Variants in DTNA observed in about 807,000 individuals in gnomAD.
DTNA encodes dystrobrevin alpha, also known as dystrophin-related protein 3.
In DTNA, 43 loss-of-function variants were observed where a neutral mutation model predicts 100.7. That is an observed-to-expected ratio of 0.43 (90% confidence interval 0.33 to 0.55). DTNA has a LOEUF of 0.55. DTNA is among the 20% of genes least tolerant of loss of function. The probability of loss-of-function intolerance (pLI) is 0.04; values close to 1 mark genes in which losing one functional copy is unlikely to be tolerated. For missense variants in DTNA, 798 were observed against 953.9 expected, an observed-to-expected ratio of 0.84 and a Z score of 2.15; for synonymous variants, 349 against 347.9, an observed-to-expected ratio of 1.00 and a Z score of -0.04.
chr18:34,540,336 C>T (rs889042292), intron 1 of DTNA, among the ~76,000 whole-genome samples: 3 of 151,958 alleles, frequency 2.0e-5, no homozygotes, highest in African/African-American at 7.2e-5. Flanking sequence ...TTTTATGTAG[C>T]TCCTAATAGT....
intron 1 of DTNA, among the ~76,000 whole-genome samples, chr18:34,498,196 A>G (rs1252071651): frequency 6.6e-6 from 1 of 152,104 alleles, no homozygotes; most frequent in African/African-American, 2.4e-5. Context: ...CGGGCAGATC[A>G]CAAGGTCAGG....
Position 34,863,956 on chromosome 18 carries a change from T to G in DTNA, c.1647-10T>G. The G allele has an allele frequency of 6.2e-7, 1 of 1,605,616 alleles. No homozygotes were observed. The highest frequency in any genetic ancestry group is 8.5e-7 in the Non-Finnish European group (1 of 1,175,474). On this transcript the variant is annotated splice_polypyrimidine_tract_variant and intron_variant, in intron 16 of 22. Transcript: ENST00000444659. Reference sequence around the variant, plus strand: ...CATGCCGCTTCTGATGTCAGCTGCTTCTTTCTTAGACAGCGCAAAGATGAG... The same window carrying G: ...CATGCCGCTTCTGATGTCAGCTGCTGCTTTCTTAGACAGCGCAAAGATGAG...
chr18:34,676,903 G>A (rs1025297676), intron 1 of DTNA, among the ~76,000 whole-genome samples: 3 of 152,168 alleles, frequency 2.0e-5, no homozygotes, highest in Non-Finnish European at 4.4e-5. Context: ...TGACAATTTT[G>A]CTTTCCAAGT....
chr18:34,764,606 A>G (rs1020473271), intron 2 of DTNA, among the ~76,000 whole-genome samples: 21 of 152,316 alleles, frequency 1.4e-4, no homozygotes, highest in African/African-American at 5.0e-4. Context: ...TAATAGGACT[A>G]TTGGCAACAC....
chr18:34,760,926 A>G (rs554184742), intron 2 of DTNA, among the ~76,000 whole-genome samples: 1 of 152,266 alleles, frequency 6.6e-6, no homozygotes, highest in East Asian at 1.9e-4. Context: ...CAAGCAACTC[A>G]AACTCTTTAG....
chr18:34,828,066 A>G (rs1023287645), intron 10 of DTNA, among the ~76,000 whole-genome samples: 1 of 152,218 alleles, frequency 6.6e-6, no homozygotes, highest in African/African-American at 2.4e-5. Context: ...ATGTGTCATT[A>G]TTTAAAGCTA....
intron 1 of DTNA, among the ~76,000 whole-genome samples, chr18:34,638,882 C>A (rs1329929553): frequency 1.3e-5 from 2 of 152,060 alleles, no homozygotes; most frequent in African/African-American, 4.8e-5. Context: ...GCTCTTGCTG[C>A]CCAGGCTGGA....
chr18:34,498,243 G>A (rs997656083), intron 1 of DTNA, among the ~76,000 whole-genome samples: 5 of 151,884 alleles, frequency 3.3e-5, no homozygotes, highest in African/African-American at 7.3e-5. Flanking sequence ...GTGAAACTCC[G>A]TCTCTACTAA....
At chr18:34,751,271 C>G (rs1268704918) in intron 1 of DTNA, among the ~76,000 whole-genome samples, 1 of 152,250 alleles carries the variant, frequency 6.6e-6, no homozygotes, top group Non-Finnish European at 1.5e-5. Flanking sequence ...TAATGCAACA[C>G]ATGAGTCTCA....
In DTNA at chr18:34,815,924, A is replaced by T; in HGVS notation, c.619A>T (p.Asn207Tyr). 1.2e-6 allele frequency: 2 copies of T among 1,613,678 alleles called. No individual in the cohort carries two copies. Among genetic ancestry groups the T allele is most frequent in the Non-Finnish European group, 1.7e-6 (2 of 1,179,710 alleles). The change falls in exon 7 of 23, where the codon AAT becomes TAT. Residue 207 changes from asparagine to tyrosine, a missense_variant. Coordinates refer to ENST00000444659, the MANE Select transcript of DTNA (RefSeq NM_001386795.1). ...CFSQQKKVTL[N>Y]GFLDTLMSDP... ...TTTTATGCAGAAAAAAGTCACGTTA[A>T]ATGGTTTCTTGGACACGCTTATGTC...
At chr18:34,587,148 A>ATTT (rs773119244) in intron 1 of DTNA, among the ~76,000 whole-genome samples, 5 of 145,538 alleles carry the variant, frequency 3.4e-5, no homozygotes, top group African/African-American at 1.0e-4. Flanking sequence ...TGCCTGGCTA[A>ATTT]TTTTTTTTTT....
intron 1 of DTNA, among the ~76,000 whole-genome samples, chr18:34,720,849 G>A (rs1393096103): frequency 1.3e-5 from 2 of 152,124 alleles, no homozygotes; most frequent in Non-Finnish European, 2.9e-5. Context: ...TTCTCCATGA[G>A]CTTAAATGGT....
chr18:34,506,987 G>A (rs578103264), intron 1 of DTNA, among the ~76,000 whole-genome samples: 1 of 152,168 alleles, frequency 6.6e-6, no homozygotes, highest in Admixed American at 6.6e-5. Context: ...ACCTCAGAGG[G>A]TTACTGCTTA....
intron 1 of DTNA, among the ~76,000 whole-genome samples, chr18:34,701,979 GT>G (rs1042276204): frequency 6.6e-6 from 1 of 152,118 alleles, no homozygotes; most frequent in Non-Finnish European, 1.5e-5. Flanking sequence ...CAAAAGTTGT[GT>G]TTTATCACTA....
intron 1 of DTNA, among the ~76,000 whole-genome samples, chr18:34,656,945 C>T (rs2074468057): frequency 6.6e-6 from 1 of 152,060 alleles, no homozygotes; most frequent in African/African-American, 2.4e-5. Flanking sequence ...GGCATGATCT[C>T]GGCTCACTGC....
At chr18:34,539,674 A>G (rs988483901) in intron 1 of DTNA, among the ~76,000 whole-genome samples, 1 of 151,886 alleles carries the variant, frequency 6.6e-6, no homozygotes, top group Non-Finnish European at 1.5e-5. Flanking sequence ...CCAGCAGTTA[A>G]TTGTATCATT....
At chr18:34,610,664 G>A (rs2054043551) in intron 1 of DTNA, among the ~76,000 whole-genome samples, 1 of 152,170 alleles carries the variant, frequency 6.6e-6, no homozygotes, top group Non-Finnish European at 1.5e-5. Flanking sequence ...AATCCACTCA[G>A]TAAAATAATA....
At chr18:34,577,925 G>A (rs1160069337) in intron 1 of DTNA, among the ~76,000 whole-genome samples, 1 of 149,452 alleles carries the variant, frequency 6.7e-6, no homozygotes. Flanking sequence ...AAACATACAT[G>A]TGCAAGTTTT....
At chr18:34,599,045 C>T (rs2051238426) in intron 1 of DTNA, among the ~76,000 whole-genome samples, 1 of 152,144 alleles carries the variant, frequency 6.6e-6, no homozygotes, top group Admixed American at 6.5e-5. Context: ...ACTCTTTGGA[C>T]CACTTATAAA....
Sources: gnomAD v4.1 joint callset for allele counts (sites outside exome capture counted in the v4.1 genomes callset) on GRCh38, gnomAD v4.1.1 for gene constraint, MANE v1.5 for transcripts, NCBI Gene and HGNC (gene_info 2026-07-23, HGNC 2026-07-21) for gene names.